Variants in OLFML2A observed in about 807,000 individuals in gnomAD.
The protein encoded by OLFML2A is olfactomedin like 2A.
OLFML2A carries 47 observed loss-of-function variants against 60.9 expected under a neutral mutation model. The observed-to-expected ratio is 0.77, with a 90% CI of 0.61 to 0.98. The LOEUF (loss-of-function observed/expected upper bound fraction) is 0.98, where lower values mean the gene tolerates loss of function less well. OLFML2A is among the 50% of genes least tolerant of loss of function. The probability of loss-of-function intolerance (pLI) is 0.00; values close to 1 mark genes in which losing one functional copy is unlikely to be tolerated. For synonymous variants in OLFML2A, 372 were observed against 375.0 expected, an observed-to-expected ratio of 0.99 and a Z score of 0.09; for missense variants, 922 against 879.8, an observed-to-expected ratio of 1.05 and a Z score of -0.61.
rs1429314002 is a variant in OLFML2A at position 124,814,818 on chromosome 9, A to G, written c.*4406A>G. ...TACTTTATTTTTGTAAGTTGCTGAG[A>G]TATCTGTTTTGCAACAAGATGGGCT... On this transcript the variant is annotated 3_prime_UTR_variant, in exon 8 of 8. Coordinates refer to ENST00000373580, the MANE Select transcript of OLFML2A (RefSeq NM_182487.4). The G allele has an allele frequency of 1.3e-5, 2 of 152,204 alleles. No homozygotes were observed. The highest frequency in any genetic ancestry group is 4.8e-5 in the African/African-American group (2 of 41,442). 9.4% of individuals were successfully genotyped at this position (152,204 alleles called of 1,614,324 possible).
intron 1 of OLFML2A, among the ~76,000 whole-genome samples, chr9:124,786,710 G>A (rs1369221987): frequency 4.5e-4 from 66 of 146,668 alleles, no homozygotes; most frequent in Non-Finnish European, 3.1e-4. Flanking sequence ...GACAGAGCAA[G>A]ACTCCGTCTC....
At chr9:124,795,799 C>T (rs888019126) in intron 3 of OLFML2A, among the ~76,000 whole-genome samples, 2 of 152,128 alleles carry the variant, frequency 1.3e-5, no homozygotes, top group African/African-American at 4.8e-5. Context: ...CGGAGTGCCC[C>T]CCCTGGGTTG....
intron 1 of OLFML2A, among the ~76,000 whole-genome samples, chr9:124,784,832 T>G (rs1039762059): frequency 1.3e-5 from 2 of 152,080 alleles, no homozygotes; most frequent in Non-Finnish European, 2.9e-5. Flanking sequence ...CATTTCATAT[T>G]AATGGAACCA....
At chr9:124,802,483 C>T (rs1841796943) in intron 5 of OLFML2A, among the ~76,000 whole-genome samples, 1 of 152,240 alleles carries the variant, frequency 6.6e-6, no homozygotes, top group Admixed American at 6.5e-5. Flanking sequence ...CCTCTTGTTT[C>T]TTGGCCTCTC....
intron 3 of OLFML2A, among the ~76,000 whole-genome samples, 177 bp downstream of exon 3, chr9:124,795,308 C>G (rs1841648931): frequency 6.6e-6 from 1 of 152,236 alleles, no homozygotes; most frequent in Non-Finnish European, 1.5e-5. Context: ...GGGAAGAGGT[C>G]TAACTGGCTC....
In OLFML2A at chr9:124,799,338, C is replaced by T; in HGVS notation, c.516C>T (p.Arg172=). The change falls in exon 4 of 8, where the codon CGC becomes CGT. Residue 172 remains arginine (R), a synonymous_variant. Coordinates refer to ENST00000373580, the MANE Select transcript of OLFML2A (RefSeq NM_182487.4). The stretch of plus-strand genomic sequence containing the variant: ...ATGAGGTGGTGAAGGACAGCGTGCG[C>T]CACCTCAGTGAGCAGTTGAGGCACT... ...RENEVVKDSV[R]HLSEQLRHYE... is the part of the protein sequence containing the mutation. The T allele has an allele frequency of 6.2e-7, 1 of 1,613,686 alleles. No homozygotes were observed. Among genetic ancestry groups the T allele is most frequent in the South Asian group, 1.1e-5 (1 of 91,086 alleles).
At chr9:124,793,629 C>T (rs1001285898) in intron 2 of OLFML2A, among the ~76,000 whole-genome samples, 3 of 152,218 alleles carry the variant, frequency 2.0e-5, no homozygotes, top group Non-Finnish European at 4.4e-5. Flanking sequence ...TGAACTGCAT[C>T]CATCTGTAAA....
chr9:124,809,736 G>A, intron 7 of OLFML2A, 72 bp from the exon 8 acceptor site: 38 of 1,516,228 alleles, frequency 2.5e-5, no homozygotes, highest in Non-Finnish European at 3.3e-5. Context: ...GAGAGCCCTT[G>A]GTGGGCTCAG....
In OLFML2A at chr9:124,777,393, C is replaced by A; in HGVS notation, c.90+33C>A. ...CGCCCCTCGGACCCGCGCGGCTCGG[C>A]GGGTAGCGGGGCGCGAGGGGGCGCT... is the stretch of plus-strand genomic sequence containing the variant. On this transcript the variant is annotated intron_variant, in intron 1 of 7. Transcript: ENST00000373580. The surrounding 1 kb of genome is among the most constrained non-coding windows in gnomAD (Gnocchi z 6.2). 4 of 1,228,860 alleles carry A rather than the reference C, an allele frequency of 3.3e-6. No homozygotes were observed. Among genetic ancestry groups the A allele is most frequent in the Non-Finnish European group, 4.1e-6 (4 of 984,702 alleles). The allele number at this position is 1,228,860 out of a possible 1,614,324, so 76.1% of individuals were successfully genotyped here. A position where few individuals can be genotyped will look rare whatever the true frequency, so the allele number is the denominator to read the frequency against.
At chr9:124,791,958 C>T (rs1407443500) in intron 2 of OLFML2A, among the ~76,000 whole-genome samples, 1 of 152,146 alleles carries the variant, frequency 6.6e-6, no homozygotes, top group Non-Finnish European at 1.5e-5. Context: ...CATTGAGTGG[C>T]ATGGCTGGAA....
chr9:124,803,116 C>T (rs1310657991), intron 5 of OLFML2A, among the ~76,000 whole-genome samples: 2 of 152,178 alleles, frequency 1.3e-5, no homozygotes, highest in Admixed American at 1.3e-4. Flanking sequence ...GTCATGTTGG[C>T]CAAGCTGGTC....
rs767625510 is a variant in OLFML2A, at chr9:124,799,477, GGTA to G, written c.657_659del (p.Ser220del). On this transcript the variant is annotated inframe_deletion, in exon 4 of 8. Transcript: ENST00000373580. Reference sequence around the variant, plus strand: ...CCCTGCCACCCCTGCCACGGGCACTGGTAGCAAGGCCCAGGTGAGGCCCCAGCT... The same window carrying G: ...CCCTGCCACCCCTGCCACGGGCACTGGCAAGGCCCAGGTGAGGCCCCAGCT... 6.3e-7 allele frequency: 1 copy of G among 1,598,564 alleles called. No individual in the cohort carries two copies. Among genetic ancestry groups the G allele is most frequent in the East Asian group, 2.3e-5 (1 of 44,370 alleles).
rs1034582339 is a variant in OLFML2A, at chr9:124,811,593, T to C, written c.*1181T>C. ...CCAGGGGAGGCATCAGGCCTTCTTCTGGTTGCAGGAGAGAACCAGAGGGTG... is the reference window on the plus strand; with the variant it reads ...CCAGGGGAGGCATCAGGCCTTCTTCCGGTTGCAGGAGAGAACCAGAGGGTG... On this transcript the variant is annotated 3_prime_UTR_variant, in exon 8 of 8. Transcript: ENST00000373580. 6 of 152,334 alleles carry C rather than the reference T, an allele frequency of 3.9e-5. No individual in the cohort carries two copies. Among genetic ancestry groups the C allele is most frequent in the Non-Finnish European group, 5.9e-5 (4 of 68,096 alleles). 9.4% of individuals were successfully genotyped at this position (152,334 alleles called of 1,614,324 possible). A position where few individuals can be genotyped will look rare whatever the true frequency, so the allele number is the denominator to read the frequency against.
chr9:124,805,786 T>G (rs528086186), intron 6 of OLFML2A, among the ~76,000 whole-genome samples: 176 of 150,988 alleles, frequency 1.2e-3, no homozygotes, highest in African/African-American at 3.9e-3. Context: ...TTATTATTGT[T>G]GTTGTTGTTT....
intron 2 of OLFML2A, among the ~76,000 whole-genome samples, chr9:124,794,046 A>G (rs1841617214): frequency 6.6e-6 from 1 of 152,188 alleles, no homozygotes; most frequent in South Asian, 2.1e-4. Context: ...CAAACAAACA[A>G]GAAAAGAAAA....
chr9:124,781,336 G>A (rs915669023), intron 1 of OLFML2A, among the ~76,000 whole-genome samples: 27 of 152,184 alleles, frequency 1.8e-4, no homozygotes, highest in Non-Finnish European at 3.2e-4. Context: ...GTGGACATGG[G>A]TCTGGGAGAA....
At chr9:124,808,018 G>A in intron 7 of OLFML2A, 52 bp downstream of exon 7, 1 of 1,436,988 alleles carries the variant, frequency 7.0e-7, no homozygotes, top group Non-Finnish European at 9.7e-7. Context: ...AACCTGGGGA[G>A]GGGTCCTCAT....
rs1188648631 is a variant in OLFML2A at position 124,786,974 on chromosome 9, G to A, written c.91-1G>A. 1 of 1,607,782 alleles carries A rather than the reference G, an allele frequency of 6.2e-7. No individual in the cohort carries two copies. The highest frequency in any genetic ancestry group is 1.1e-5 in the South Asian group (1 of 90,960). Reference sequence around the variant, plus strand: ...GGAGCCCCTCTTGCCCCCCGCAACAGGTGTTTGGGGACCTGGACCAGGTGA... The same window carrying A: ...GGAGCCCCTCTTGCCCCCCGCAACAAGTGTTTGGGGACCTGGACCAGGTGA... On this transcript the variant is annotated splice_acceptor_variant, in intron 1 of 7. Coordinates refer to ENST00000373580, the MANE Select transcript of OLFML2A (RefSeq NM_182487.4). LOFTEE classifies it high-confidence loss of function.
Position 124,812,871 on chromosome 9 carries a change from C to T in OLFML2A, c.*2459C>T, listed in dbSNP as rs1361112322. 1 of 152,272 alleles carries T rather than the reference C, an allele frequency of 6.6e-6. No individual in the cohort carries two copies. Among genetic ancestry groups the T allele is most frequent in the Non-Finnish European group, 1.5e-5 (1 of 68,064 alleles). The allele number at this position is 152,272 out of a possible 1,614,324, so 9.4% of individuals were successfully genotyped here. A position where few individuals can be genotyped will look rare whatever the true frequency, so the allele number is the denominator to read the frequency against. On this transcript the variant is annotated 3_prime_UTR_variant, in exon 8 of 8. Coordinates refer to ENST00000373580, the MANE Select transcript of OLFML2A (RefSeq NM_182487.4). ...AACGATCCTGGCCACAGCCGCCAAACAAACATTCACTAGGCCTCTTCTGTT... is the reference window on the plus strand; with the variant it reads ...AACGATCCTGGCCACAGCCGCCAAATAAACATTCACTAGGCCTCTTCTGTT...
Sources: allele counts gnomAD v4.1 joint callset (sites outside exome capture counted in the v4.1 genomes callset), GRCh38; gene constraint gnomAD v4.1.1; non-coding constraint Gnocchi (gnomAD v3.1); transcripts MANE v1.5; gene names NCBI Gene and HGNC (gene_info 2026-07-23, HGNC 2026-07-21).